The following BECN1 variants were observed in gnomAD, a reference collection of about 807,000 sequenced individuals.
BECN1 encodes beclin-1.
Under a neutral mutation model 60.1 loss-of-function variants are expected in BECN1, and 15 were observed. That is an observed-to-expected ratio of 0.25 (90% confidence interval 0.17 to 0.38). The LOEUF is 0.38. Ranked by LOEUF, BECN1 falls within the 10% of genes least tolerant of loss-of-function variation. The pLI is 1.00. For synonymous variants in BECN1, 179 were observed against 201.8 expected (o/e 0.89, Z 0.96); for missense variants, 424 against 548.2 (o/e 0.77, Z 2.26).
Position 42,810,517 on chromosome 17 carries a change from G to A in BECN1, c.*243C>T. On this transcript the variant is annotated 3_prime_UTR_variant, in exon 12 of 12. Coordinates refer to ENST00000590099, the MANE Select transcript of BECN1 (RefSeq NM_001313998.2). ...AATTAGTTTTTTTCAGAGAAGAAAG[G>A]GAAAGGAGTCCATGGGGTTAAGAAT... 5.9e-6 allele frequency: 2 copies of A among 336,420 alleles called. No homozygotes were observed. The highest frequency in any genetic ancestry group is 1.1e-5 in the Non-Finnish European group (2 of 188,582). 20.8% of individuals were successfully genotyped at this position (336,420 alleles called of 1,614,324 possible).
intron 10 of BECN1, chr17:42,812,026 C>T: frequency 2.1e-6 from 1 of 481,988 alleles, no homozygotes; most frequent in East Asian, 3.5e-5. Flanking sequence ...ATAGGTTGAG[C>T]ATCCTTAATC....
At position 42,822,974 on chromosome 17, in the gene BECN1, T is replaced by A. The variant is rs566894916; in HGVS notation, c.130+774A>T. Among the ~76,000 whole-genome samples, 11 of 151,760 alleles carry A rather than the reference T, an allele frequency of 7.2e-5. No individual in the cohort carries two copies. In the South Asian group the frequency reaches 2.3e-3, roughly 32 times the overall value. ...GAGATTACAGGCGTGAGCCATCACA[T>A]CCAGCAAATTCTTCAGACTTTAAGA... On this transcript the variant is annotated intron_variant, in intron 2 of 11. Coordinates refer to ENST00000590099, the MANE Select transcript of BECN1 (RefSeq NM_001313998.2).
At position 42,814,696 on chromosome 17, in the gene BECN1, G is replaced by T. The variant is rs138015339; in HGVS notation, c.831-23C>A. On this transcript the variant is annotated intron_variant, in intron 8 of 11. Transcript: ENST00000590099. ...TGCCTACAGAGGAAGGCAGAAAGGT[G>T]GGGGGAAATACAGGGATTACTTAAA... The T allele has an allele frequency of 1.0e-4, 164 of 1,613,176 alleles. No individual in the cohort carries two copies. The Middle Eastern group carries it at 6.5e-3, about 64-fold the overall frequency.
intron 11 of BECN1, chr17:42,811,210 T>C: frequency 8.8e-6 from 3 of 339,470 alleles, no homozygotes; most frequent in Non-Finnish European, 1.6e-5. Flanking sequence ...GCTGTTTTCC[T>C]AGGCATCCCT....
rs1198286605 is a variant in BECN1, at chr17:42,816,435, T to C, written c.684-381A>G. Among the ~76,000 whole-genome samples the C allele has an allele frequency of 2.6e-5, 4 of 151,946 alleles. No homozygotes were observed. The East Asian group carries it at 7.8e-4, about 29-fold the overall frequency. ...GGGAGGCCAAGACGGGTGGATAACT[T>C]GAGGTCAGGAGTTCGAGAGCAGTCC... is the stretch of plus-strand genomic sequence containing the variant. On this transcript the variant is annotated intron_variant, in intron 7 of 11. Transcript: ENST00000590099.
chr17:42,823,497 G>T (rs2055315949), intron 2 of BECN1, among the ~76,000 whole-genome samples: 1 of 152,120 alleles, frequency 6.6e-6, no homozygotes, highest in African/African-American at 2.4e-5. Flanking sequence ...CAGGTGATCT[G>T]CCCGCCTCGG....
At chr17:42,823,937 C>A in intron 1 of BECN1, 58 bp from the exon 2 acceptor site, 1 of 1,584,064 alleles carries the variant, frequency 6.3e-7, no homozygotes, top group Non-Finnish European at 8.6e-7. Flanking sequence ...ACCTCCGGCC[C>A]GGGGTTACCA....
At position 42,814,015 on chromosome 17, in the gene BECN1, T is replaced by C. The variant is rs960496015; in HGVS notation, c.981-7A>G. The C allele has an allele frequency of 1.3e-6, 2 of 1,589,800 alleles. No homozygotes were observed. The highest frequency in any genetic ancestry group is 1.1e-5 in the South Asian group (1 of 89,062). Reference sequence around the variant, plus strand: ...GTAAGGAACAAGTCGGTATCTAAAATAGAGATACAAACAGAGATGGATACA... The same window carrying C: ...GTAAGGAACAAGTCGGTATCTAAAACAGAGATACAAACAGAGATGGATACA... On this transcript the variant is annotated splice_polypyrimidine_tract_variant and splice_region_variant and intron_variant, in intron 9 of 11. Transcript: ENST00000590099.
chr17:42,811,911 T>C (rs1597925258), intron 10 of BECN1, 114 bp from the exon 11 acceptor site: 1 of 1,314,686 alleles, frequency 7.6e-7, no homozygotes, highest in Non-Finnish European at 1.0e-6. Context: ...CACTGGAAAC[T>C]TGTATTGTAG....
rs771852495 is a variant in BECN1 at position 42,815,812 on chromosome 17, C to T, written c.830+96G>A. 4.0e-5 allele frequency: 60 copies of T among 1,492,578 alleles called. 1 individual carries two copies. In the South Asian group the frequency reaches 5.9e-4, roughly 15 times the overall value. The allele number at this position is 1,492,578 out of a possible 1,614,324, so 92.5% of individuals were successfully genotyped here. On this transcript the variant is annotated intron_variant, in intron 8 of 11. Coordinates refer to ENST00000590099, the MANE Select transcript of BECN1 (RefSeq NM_001313998.2). ...AACCTAGTTGGGTGAAGATAACCTA[C>T]AGTCCCTCTTTTGTGGGAAGTGGGC...
At chr17:42,821,392 T>C (rs894328763) in intron 2 of BECN1, among the ~76,000 whole-genome samples, 1 of 152,148 alleles carries the variant, frequency 6.6e-6, no homozygotes. Context: ...CTGTCAAAAA[T>C]ACAGAAATAT....
intron 2 of BECN1, among the ~76,000 whole-genome samples, chr17:42,822,100 G>A (rs904373029): frequency 6.6e-6 from 1 of 152,138 alleles, no homozygotes; most frequent in Non-Finnish European, 1.5e-5. Context: ...CTACTCAGGA[G>A]GCTGACGCAG....
Position 42,819,956 on chromosome 17 carries a change from C to G in BECN1, c.199-347G>C, listed in dbSNP as rs568473159. 2.6e-5 allele frequency among the ~76,000 whole-genome samples: 4 copies of G among 152,276 alleles called. No homozygotes were observed. In the East Asian group the frequency reaches 7.7e-4, roughly 29 times the overall value. On this transcript the variant is annotated intron_variant, in intron 3 of 11. Transcript: ENST00000590099. ...TCATAGTACAAGGAAAAAGCCAGAT[C>G]AGACTGCAATGAAGTCTGCCACAGT...
Position 42,814,442 on chromosome 17 carries a change from A to T in BECN1, c.980+82T>A, listed in dbSNP as rs1283197135. 3.2e-6 allele frequency: 5 copies of T among 1,568,194 alleles called. No homozygotes were observed. In the East Asian group the frequency reaches 1.1e-4, roughly 35 times the overall value. On this transcript the variant is annotated intron_variant, in intron 9 of 11. Coordinates refer to ENST00000590099, the MANE Select transcript of BECN1 (RefSeq NM_001313998.2). ...AGTCTGTGGGCAGCAAGGGCTCCTG[A>T]CATGGTGGACAGCAGTACCAGGTTG...
intron 2 of BECN1, among the ~76,000 whole-genome samples, chr17:42,822,260 A>G (rs184395825): frequency 1.1e-4 from 16 of 152,368 alleles, no homozygotes; most frequent in Non-Finnish European, 1.8e-4. Context: ...CCAGGTAATA[A>G]TAGCAGCTAA....
chr17:42,818,335 T>G lies in BECN1; in HGVS notation c.569A>C (p.Glu190Ala). 6 of 1,614,218 alleles carry G rather than the reference T, an allele frequency of 3.7e-6. No individual in the cohort carries two copies. The highest frequency in any genetic ancestry group is 5.1e-6 in the Non-Finnish European group (6 of 1,180,032). The change falls in exon 7 of 12, where the codon GAG (glutamate) becomes GCG (alanine). Residue 190 changes from glutamate (E) to alanine (A), a missense_variant. This residue lies in a region of BECN1 where 326 missense variants were observed against 406.2 expected (regional missense o/e 0.80). Transcript: ENST00000590099. ...LQMELKELAL[E>A]EERLIQELED... ...CAGCTCCTGGATCAGCCTCTCCTCC[T>G]CTAGTGCCAGCTCCTTTAGCTCCAT...
chr17:42,816,708 C>T (rs2055154632), intron 7 of BECN1, among the ~76,000 whole-genome samples: 1 of 150,886 alleles, frequency 6.6e-6, no homozygotes, highest in African/African-American at 2.4e-5. Flanking sequence ...CAGTGGCTCA[C>T]ACCTGTAATC....
At chr17:42,821,330 C>T (rs567764245) in intron 2 of BECN1, among the ~76,000 whole-genome samples, 19 of 152,188 alleles carry the variant, frequency 1.2e-4, no homozygotes, top group Admixed American at 1.2e-3. Context: ...GCTGGGATTA[C>T]AGGCTGAGTC....
rs2055095289 is a variant in BECN1, at chr17:42,814,089, C to G, written c.981-81G>C. ...GGGAAGTTACAACCCAATGATTTCACTCTTCATTCTGGCCAAGGGCTTCTT... is the reference window on the plus strand; with the variant it reads ...GGGAAGTTACAACCCAATGATTTCAGTCTTCATTCTGGCCAAGGGCTTCTT... On this transcript the variant is annotated intron_variant, in intron 9 of 11. Coordinates refer to ENST00000590099, the MANE Select transcript of BECN1 (RefSeq NM_001313998.2). The G allele has an allele frequency of 2.0e-6, 2 of 984,894 alleles. 1 individual carries two copies. Among genetic ancestry groups the G allele is most frequent in the African/African-American group, 3.3e-5 (2 of 60,298 alleles). 61.0% of individuals were successfully genotyped at this position (984,894 alleles called of 1,614,324 possible). A position where few individuals can be genotyped will look rare whatever the true frequency, so the allele number is the denominator to read the frequency against.
Sources: allele counts gnomAD v4.1 joint callset (sites outside exome capture counted in the v4.1 genomes callset), GRCh38; gene constraint gnomAD v4.1.1; regional missense constraint gnomAD v4.1.1; transcripts MANE v1.5; gene names NCBI Gene and HGNC (gene_info 2026-07-23, HGNC 2026-07-21).